Variants in WDFY3 observed in about 807,000 individuals in gnomAD.
WDFY3 encodes WD repeat and FYVE domain containing 3.
WDFY3 carries 66 observed loss-of-function variants against 409.6 expected under a neutral mutation model. That is an observed-to-expected ratio of 0.16 (90% CI 0.13 to 0.20). The LOEUF (loss-of-function observed/expected upper bound fraction) is 0.20. Among genes scored for constraint, WDFY3 ranks in the 10% least tolerant of loss-of-function variants. The pLI is 1.00. For synonymous variants in WDFY3, 1,521 were observed against 1,537.1 expected (o/e 0.99, Z 0.25); for missense variants, 3,031 against 4,298.1 (o/e 0.71, Z 8.24).
rs749406273 is a variant in WDFY3, at chr4:84,831,464, T to C, written c.718A>G (p.Met240Val). 5.6e-6 allele frequency: 9 copies of C among 1,613,920 alleles called. No individual in the cohort carries two copies. In the African/African-American group the frequency reaches 9.3e-5, roughly 17 times the overall value. ...CTAAGACCATGACGAGATATGGTCA[T>C]GAGGACTTCTCCAGCACTCTTTCTC... ...PWRKSAGEVL[M>V]TISRHGLSVN... Residue 240 changes from methionine to valine, a missense_variant, in exon 8 of 68, where the codon ATG (methionine) becomes GTG (valine). By Grantham distance (21) the Met-to-Val change is conservative. Coordinates refer to ENST00000295888, the MANE Select transcript of WDFY3 (RefSeq NM_014991.6).
rs1299711060 is a variant in WDFY3 at position 84,781,392 on chromosome 4, GT to G, written c.4175-1095del. 1.1e-3 allele frequency among the ~76,000 whole-genome samples: 140 copies of G among 126,938 alleles called. No individual in the cohort carries two copies. The Middle Eastern group carries it at 0.013, about 12-fold the overall frequency. The allele number at this position is 126,938 out of a possible 152,430, so 83.3% of individuals were successfully genotyped here. A position where few individuals can be genotyped will look rare whatever the true frequency, so the allele number is the denominator to read the frequency against. On this transcript the variant is annotated intron_variant, in intron 25 of 67. Coordinates refer to ENST00000295888, the MANE Select transcript of WDFY3 (RefSeq NM_014991.6). ...TACTTTCTTTCCTTCTTTCCCTTTT[GT>G]TTTTTTTTTTTTTTTTTGAGACAGG...
rs375308773 is a variant in WDFY3, at chr4:84,690,664, C to T, written c.9205G>A (p.Ala3069Thr). The T allele has an allele frequency of 3.7e-6, 6 of 1,609,176 alleles. No individual in the cohort carries two copies. Among genetic ancestry groups the T allele is most frequent in the Admixed American group, 1.7e-5 (1 of 59,270 alleles). Reference protein sequence around the residue: ...CRLGTYESDKAMTVYECLSEW... With the variant: ...CRLGTYESDKTMTVYECLSEW... Reference sequence around the variant, plus strand: ...GACAAGCATTCATAAACAGTCATGGCCTATAAAGTAAAACGGATGTGAGAC... The same window carrying T: ...GACAAGCATTCATAAACAGTCATGGTCTATAAAGTAAAACGGATGTGAGAC... Residue 3069 changes from alanine to threonine, a missense_variant and splice_region_variant, in exon 61 of 68, where the codon GCC becomes ACC. Around this residue, in one of 16 missense-constraint regions of WDFY3, gnomAD observed 152 missense variants for 193.5 expected, o/e 0.79. Transcript: ENST00000295888.
chr4:84,827,906 TAG>T (rs1327716523), intron 9 of WDFY3, among the ~76,000 whole-genome samples: 1 of 152,038 alleles, frequency 6.6e-6, no homozygotes. Context: ...TGCTTGAGGC[TAG>T]AGTTTGGCAC....
chr4:84,726,994 G>C (rs1306469079), intron 44 of WDFY3, 83 bp from the exon 45 acceptor site: 1 of 1,257,616 alleles, frequency 8.0e-7, no homozygotes, highest in Non-Finnish European at 1.1e-6. Context: ...CTTGAGGATT[G>C]TATGAAATAT....
intron 1 of WDFY3, among the ~76,000 whole-genome samples, chr4:84,950,039 A>AGC: frequency 6.6e-6 from 1 of 152,342 alleles, no homozygotes; most frequent in Non-Finnish European, 1.5e-5. Flanking sequence ...AAAATGTGGC[A>AGC]CATATACACC....
chr4:84,722,626 A>G (rs976481920), intron 46 of WDFY3, among the ~76,000 whole-genome samples: 3 of 152,240 alleles, frequency 2.0e-5, no homozygotes, highest in Non-Finnish European at 4.4e-5. Context: ...TAATCACAGT[A>G]CGATAATTTA....
In WDFY3 at chr4:84,780,908, C is replaced by T. The variant is rs551437608; in HGVS notation, c.4175-610G>A. Reference sequence around the variant, plus strand: ...TTTACAGCAAGCACAAATGTTTCTACTGTGTAGCTCTGGGCTGTACTCAAA... The same window carrying T: ...TTTACAGCAAGCACAAATGTTTCTATTGTGTAGCTCTGGGCTGTACTCAAA... On this transcript the variant is annotated intron_variant, in intron 25 of 67. Transcript: ENST00000295888. 2.2e-4 allele frequency among the ~76,000 whole-genome samples: 33 copies of T among 152,260 alleles called. 1 individual carries two copies. In the South Asian group the frequency reaches 6.6e-3, roughly 31 times the overall value.
chr4:84,785,903 T>C, intron 24 of WDFY3, 76 bp downstream of exon 24: 4 of 1,503,884 alleles, frequency 2.7e-6, no homozygotes, highest in African/African-American at 1.4e-5. Flanking sequence ...CATAATTGAG[T>C]AGTATCCATA....
At chr4:84,713,693 G>C (rs1007988825) in intron 50 of WDFY3, among the ~76,000 whole-genome samples, 3 of 152,156 alleles carry the variant, frequency 2.0e-5, no homozygotes, top group African/African-American at 7.2e-5. Context: ...GGATTGCCAG[G>C]ATCTGTATCA....
intron 53 of WDFY3, among the ~76,000 whole-genome samples, chr4:84,707,115 G>A (rs893669035): frequency 2.6e-5 from 4 of 151,654 alleles, no homozygotes; most frequent in Non-Finnish European, 5.9e-5. Context: ...ATTTTTTGTA[G>A]AGATGGGGTT....
chr4:84,704,651 A>G (rs758705782), intron 54 of WDFY3, among the ~76,000 whole-genome samples: 3 of 152,200 alleles, frequency 2.0e-5, no homozygotes, highest in Admixed American at 6.5e-5. Flanking sequence ...GTATAATTCA[A>G]TGGCCTATTC....
intron 3 of WDFY3, among the ~76,000 whole-genome samples, chr4:84,890,522 G>T (rs1215293688): frequency 1.3e-5 from 2 of 152,188 alleles, no homozygotes; most frequent in Non-Finnish European, 2.9e-5. Flanking sequence ...CTGGCTGCTG[G>T]GAGGCAGTGC....
At chr4:84,919,742 T>C (rs1769008922) in intron 2 of WDFY3, among the ~76,000 whole-genome samples, 1 of 152,202 alleles carries the variant, frequency 6.6e-6, no homozygotes, top group Admixed American at 6.5e-5. Context: ...ACCATGATTG[T>C]AAGTTTCCTG....
At chr4:84,827,043 CA>C in intron 9 of WDFY3, 62 bp from the exon 10 acceptor site, 1 of 1,547,550 alleles carries the variant, frequency 6.5e-7, no homozygotes, top group Non-Finnish European at 8.7e-7. Context: ...AGATTTAACA[CA>C]AAGTATTTTT....
At chr4:84,916,767 G>T (rs1410539219) in intron 2 of WDFY3, among the ~76,000 whole-genome samples, 2 of 152,146 alleles carry the variant, frequency 1.3e-5, no homozygotes, top group Non-Finnish European at 2.9e-5. Context: ...GTTATCAAAT[G>T]AAAGTAATAT....
At chr4:84,740,516 T>C in intron 38 of WDFY3, 100 bp from the exon 39 acceptor site, 1 of 1,134,108 alleles carries the variant, frequency 8.8e-7, no homozygotes, top group Non-Finnish European at 1.3e-6. Flanking sequence ...ATATACCAGA[T>C]GCCATGCTAA....
intron 4 of WDFY3, 130 bp from the exon 5 acceptor site, chr4:84,850,155 T>C: frequency 1.1e-6 from 1 of 923,554 alleles, no homozygotes. Flanking sequence ...CTTTGAATCT[T>C]AATATGTTGA....
intron 50 of WDFY3, among the ~76,000 whole-genome samples, chr4:84,714,113 TAA>T (rs34480107): frequency 8.3e-5 from 12 of 144,672 alleles, no homozygotes; most frequent in Middle Eastern, 3.5e-3. Context: ...AGACTTTGTC[TAA>T]AAAAAAAAAA....
intron 62 of WDFY3, chr4:84,687,626 C>G (rs1728550784): frequency 6.6e-6 from 1 of 152,470 alleles, no homozygotes; most frequent in African/African-American, 2.4e-5. Context: ...TCAAACAACA[C>G]TAAATCAAAG....
Sources: allele counts gnomAD v4.1 joint callset (sites outside exome capture counted in the v4.1 genomes callset), GRCh38; gene constraint gnomAD v4.1.1; regional missense constraint gnomAD v4.1.1; transcripts MANE v1.5; gene names NCBI Gene and HGNC (gene_info 2026-07-23, HGNC 2026-07-21).